MTCL2: variants seen among roughly 807,000 people sequenced by gnomAD.
MTCL2 encodes microtubule cross-linking factor 2.
the MTCL2 span, among the ~76,000 whole-genome samples, chr20:36,796,014 G>A: frequency 6.6e-6 from 1 of 152,128 alleles, no homozygotes; most frequent in African/African-American, 2.4e-5. Context: ...CCTGGTTGAA[G>A]CTCCTTTTAT....
the MTCL2 span, chr20:36,786,639 T>C: frequency 6.5e-7 from 1 of 1,548,390 alleles, no homozygotes; most frequent in Non-Finnish European, 8.7e-7. Context: ...AACAGCGTCC[T>C]AGGAAGAGGG....
At chr20:36,815,454 A>C in the MTCL2 span, 1 of 1,607,670 alleles carries the variant, frequency 6.2e-7, no homozygotes, top group Non-Finnish European at 8.5e-7. This position sits in a 1 kb window ranked among gnomAD's most constrained non-coding sequence, Gnocchi z 5.3. Context: ...GGCCTTACTG[A>C]CCAGGGCGGC....
the MTCL2 span, chr20:36,797,071 T>C: frequency 1.8e-3 from 1,564 of 870,470 alleles, 19 homozygotes; most frequent in African/African-American, 0.023. Flanking sequence ...GCAGGAATGA[T>C]GTCATCAATG....
At chr20:36,777,797 G>A in the MTCL2 span, 6 of 613,158 alleles carry the variant, frequency 9.8e-6, no homozygotes, top group African/African-American at 4.0e-5. Flanking sequence ...GGGGGCTGGG[G>A]AGGGGCCAGG....
At chr20:36,804,824 G>T in the MTCL2 span, 1 of 1,613,806 alleles carries the variant, frequency 6.2e-7, no homozygotes, top group African/African-American at 1.3e-5. Context: ...GTCAGACCAC[G>T]GCGTTCATCC....
At chr20:36,797,074 CA>C in the MTCL2 span, 1 of 851,292 alleles carries the variant, frequency 1.2e-6, no homozygotes. Flanking sequence ...GGAATGATGT[CA>C]TCAATGATCT....
chr20:36,860,102 C>T, the MTCL2 span, among the ~76,000 whole-genome samples: 1 of 152,192 alleles, frequency 6.6e-6, no homozygotes, highest in African/African-American at 2.4e-5. Flanking sequence ...CCCAAATGTA[C>T]ACAGTGAGAA....
At chr20:36,781,839 T>C in the MTCL2 span, 1 of 152,084 alleles carries the variant, frequency 6.6e-6, no homozygotes, top group Non-Finnish European at 1.5e-5. Flanking sequence ...GCTGGTTTTA[T>C]TTTTTATTTT....
chr20:36,793,175 TA>T, the MTCL2 span: 17 of 1,458,890 alleles, frequency 1.2e-5, no homozygotes, highest in Non-Finnish European at 1.5e-5. This position sits in a 1 kb window ranked among gnomAD's most constrained non-coding sequence, Gnocchi z 6.8. Context: ...TCTCTGAACT[TA>T]AAAACCAAAA....
the MTCL2 span, among the ~76,000 whole-genome samples, chr20:36,859,058 T>C: frequency 3.9e-5 from 6 of 152,246 alleles, no homozygotes; most frequent in African/African-American, 1.4e-4. Context: ...CCCAAAGTGC[T>C]GGGATTACAG....
chr20:36,794,731 T>C, the MTCL2 span: 1 of 1,174,666 alleles, frequency 8.5e-7, no homozygotes, highest in Admixed American at 2.0e-5. This position sits in a 1 kb window ranked among gnomAD's most constrained non-coding sequence, Gnocchi z 5.4. Context: ...CTTGTAGAGA[T>C]GTTGTTGGTG....
At chr20:36,862,637 T>G in the MTCL2 span, 78 of 1,487,334 alleles carry the variant, frequency 5.2e-5, no homozygotes, top group Non-Finnish European at 6.9e-5. Context: ...GCGACCTCCC[T>G]TTCTACCCGG....
the MTCL2 span, chr20:36,803,069 T>C: frequency 6.8e-6 from 11 of 1,609,202 alleles, no homozygotes; most frequent in African/African-American, 1.3e-5. Flanking sequence ...AGTCGGGCCC[T>C]GCCCGCTCCC....
the MTCL2 span, chr20:36,793,927 C>T: frequency 2.6e-6 from 4 of 1,551,422 alleles, no homozygotes; most frequent in Non-Finnish European, 3.5e-6. This position sits in a 1 kb window ranked among gnomAD's most constrained non-coding sequence, Gnocchi z 6.8. Flanking sequence ...CCACGCTGAC[C>T]GTGCGGATGG....
the MTCL2 span, among the ~76,000 whole-genome samples, chr20:36,798,946 G>A: frequency 2.6e-5 from 4 of 152,138 alleles, no homozygotes; most frequent in South Asian, 2.1e-4. Context: ...CCAGGAACGC[G>A]CTCAGTCCCA....
the MTCL2 span, among the ~76,000 whole-genome samples, chr20:36,858,095 A>G: frequency 0.15 from 22,990 of 152,046 alleles, 2,031 homozygotes; most frequent in Middle Eastern, 0.26. Flanking sequence ...ACGCTAGTTA[A>G]CAACCAAAAG....
the MTCL2 span, chr20:36,863,305 C>T: frequency 7.6e-6 from 9 of 1,185,416 alleles, no homozygotes; most frequent in Non-Finnish European, 9.4e-6. This position sits in a 1 kb window ranked among gnomAD's most constrained non-coding sequence, Gnocchi z 6.2. Flanking sequence ...GGCTGGGGAC[C>T]GCAGCCCCGG....
At chr20:36,808,355 GAAAA>G in the MTCL2 span, among the ~76,000 whole-genome samples, 4 of 119,778 alleles carry the variant, frequency 3.3e-5, no homozygotes, top group Non-Finnish European at 7.1e-5. Flanking sequence ...CTCCATCTCG[GAAAA>G]AAAAAAAAAA....
chr20:36,793,179 A>G, the MTCL2 span: 4 of 1,462,616 alleles, frequency 2.7e-6, no homozygotes, highest in Admixed American at 2.5e-5. This position sits in a 1 kb window ranked among gnomAD's most constrained non-coding sequence, Gnocchi z 6.8. Context: ...TGAACTTAAA[A>G]ACCAAAAGAG....
Sources: allele counts gnomAD v4.1 joint callset (sites outside exome capture counted in the v4.1 genomes callset), GRCh38; gene constraint gnomAD v4.1.1; non-coding constraint Gnocchi (gnomAD v3.1); transcripts MANE v1.5; gene names NCBI Gene and HGNC (gene_info 2026-07-23, HGNC 2026-07-21).